Variants in EXOC6B observed in about 807,000 individuals in gnomAD.
The protein encoded by EXOC6B is SEC15 homolog B.
Under a neutral mutation model 113.5 loss-of-function variants are expected in EXOC6B, and 54 were observed. The ratio of observed to expected loss-of-function variants is 0.48; its 90% CI spans 0.38 to 0.60. The LOEUF is 0.60. EXOC6B is among the 20% of genes least tolerant of loss of function. The probability of loss-of-function intolerance (pLI) is 0.00; values close to 1 mark genes in which losing one functional copy is unlikely to be tolerated. For synonymous variants in EXOC6B, 357 were observed against 339.0 expected (o/e 1.05, Z -0.58); for missense variants, 797 against 977.5 (o/e 0.82, Z 2.46).
At chr2:72,287,645 TATA>T in intron 20 of EXOC6B, among the ~76,000 whole-genome samples, 1 of 151,996 alleles carries the variant, frequency 6.6e-6, no homozygotes, top group South Asian at 2.1e-4. Context: ...ATATTAAAAA[TATA>T]ATGAGAGAAT....
At chr2:72,320,612 A>C (rs1437264754) in intron 20 of EXOC6B, among the ~76,000 whole-genome samples, 2 of 152,202 alleles carry the variant, frequency 1.3e-5, no homozygotes, top group African/African-American at 4.8e-5. Flanking sequence ...AAAACCTAAC[A>C]GTATGAACTC....
rs762099297 is a variant in EXOC6B at position 72,718,126 on chromosome 2, T to C, written c.646A>G (p.Ile216Val). The change falls in exon 6 of 22, where the codon ATT becomes GTT. Residue 216 changes from isoleucine to valine, a missense_variant. Ile to Val is a conservative substitution (Grantham distance 29). Transcript: ENST00000272427. ...ACTTGCTTCATGGCAGTCTCTCCAA[T>C]TTTGTCTGAATGTTTGCGGATGCTC... ...LESIRKHSDKIGETAMKQAQQ... is the reference protein window; with the variant it reads ...LESIRKHSDKVGETAMKQAQQ... The C allele has an allele frequency of 1.4e-5, 23 of 1,612,274 alleles. No homozygotes were observed. Among genetic ancestry groups the C allele is most frequent in the Non-Finnish European group, 2.0e-5 (23 of 1,178,986 alleles).
intron 10 of EXOC6B, 29 bp downstream of exon 10, chr2:72,514,605 A>ATATATATATATATAT (rs1553432012): frequency 3.4e-5 from 5 of 147,182 alleles, no homozygotes; most frequent in African/African-American, 1.9e-4. Flanking sequence ...TAAATAAATA[A>ATATATATATATATAT]ATATATATAT....
At chr2:72,352,570 T>A (rs1689716947) in intron 19 of EXOC6B, among the ~76,000 whole-genome samples, 1 of 152,124 alleles carries the variant, frequency 6.6e-6, no homozygotes, top group Non-Finnish European at 1.5e-5. Context: ...ATTTTAATAC[T>A]GTAATACTAG....
chr2:72,749,777 C>T (rs1016022187), intron 1 of EXOC6B, among the ~76,000 whole-genome samples: 3 of 151,804 alleles, frequency 2.0e-5, no homozygotes, highest in Non-Finnish European at 4.4e-5. Flanking sequence ...AAGCTATTAA[C>T]AGAGAAAGAC....
chr2:72,522,106 G>C (rs1478800614), intron 8 of EXOC6B, among the ~76,000 whole-genome samples: 1 of 151,998 alleles, frequency 6.6e-6, no homozygotes, highest in East Asian at 1.9e-4. Flanking sequence ...TTATCATTTA[G>C]TTAAAAAGAA....
intron 20 of EXOC6B, among the ~76,000 whole-genome samples, chr2:72,258,361 CT>C (rs967346322): frequency 5.3e-3 from 661 of 124,820 alleles, no homozygotes; most frequent in African/African-American, 0.015. Flanking sequence ...TTATCTTTTT[CT>C]TTTTTTTTTT....
chr2:72,627,184 G>C (rs1345629094), intron 6 of EXOC6B, among the ~76,000 whole-genome samples: 4 of 152,120 alleles, frequency 2.6e-5, no homozygotes, highest in Admixed American at 2.6e-4. Flanking sequence ...TCAGTGTCTT[G>C]TTTTTCTTTA....
intron 1 of EXOC6B, among the ~76,000 whole-genome samples, chr2:72,763,540 A>G (rs2104910079): frequency 6.6e-6 from 1 of 150,882 alleles, no homozygotes; most frequent in South Asian, 2.1e-4. Context: ...CTCCTATCTC[A>G]GCCTCACAAG....
At chr2:72,449,001 G>T (rs1033620659) in intron 18 of EXOC6B, among the ~76,000 whole-genome samples, 1 of 152,112 alleles carries the variant, frequency 6.6e-6, no homozygotes, top group African/African-American at 2.4e-5. Context: ...TGTGAAAAAA[G>T]ACAAAAATAA....
At chr2:72,644,383 A>G (rs976226917) in intron 6 of EXOC6B, among the ~76,000 whole-genome samples, 8 of 152,234 alleles carry the variant, frequency 5.3e-5, no homozygotes, top group Admixed American at 4.6e-4. Context: ...GCAGGATATT[A>G]TCCAGGAGAA....
chr2:72,743,645 T>C (rs1404663745), intron 1 of EXOC6B, among the ~76,000 whole-genome samples: 2 of 152,228 alleles, frequency 1.3e-5, no homozygotes, highest in Admixed American at 1.3e-4. Context: ...TCTGTCATAC[T>C]GTACCTCTAT....
At chr2:72,400,847 T>C (rs949939219) in intron 18 of EXOC6B, among the ~76,000 whole-genome samples, 2 of 152,018 alleles carry the variant, frequency 1.3e-5, no homozygotes, top group African/African-American at 4.8e-5. Flanking sequence ...TAGGTTGGAA[T>C]GTAAATTAAT....
chr2:72,439,183 T>C (rs1201644119), intron 18 of EXOC6B, among the ~76,000 whole-genome samples: 1 of 152,204 alleles, frequency 6.6e-6, no homozygotes, highest in Non-Finnish European at 1.5e-5. Flanking sequence ...GTATATTCTA[T>C]TGATATGTAA....
chr2:72,624,463 G>A (rs773414295), intron 6 of EXOC6B, among the ~76,000 whole-genome samples: 14 of 152,188 alleles, frequency 9.2e-5, no homozygotes, highest in East Asian at 1.9e-4. Context: ...GATTTTGACC[G>A]GGTGCAGTGT....
chr2:72,578,606 C>A (rs553555445), intron 6 of EXOC6B, among the ~76,000 whole-genome samples: 1 of 152,000 alleles, frequency 6.6e-6, no homozygotes, highest in African/African-American at 2.4e-5. Context: ...CAGTCAAACA[C>A]GTGTTAAAAG....
intron 5 of EXOC6B, among the ~76,000 whole-genome samples, chr2:72,718,782 G>C (rs959827058): frequency 5.9e-5 from 9 of 152,316 alleles, no homozygotes; most frequent in African/African-American, 1.9e-4. Flanking sequence ...GGAGGCGGAG[G>C]TTTCAGTTAG....
chr2:72,254,639 A>C (rs942538125), intron 20 of EXOC6B, among the ~76,000 whole-genome samples: 1 of 152,252 alleles, frequency 6.6e-6, no homozygotes, highest in Non-Finnish European at 1.5e-5. Flanking sequence ...GAATGTGCAG[A>C]GGCTGGTAAA....
chr2:72,213,161 C>T (rs1294546061), intron 20 of EXOC6B, among the ~76,000 whole-genome samples: 1 of 152,208 alleles, frequency 6.6e-6, no homozygotes, highest in Non-Finnish European at 1.5e-5. Context: ...AGAGAGGTCT[C>T]AGCCTCCCAG....
Sources: gnomAD v4.1 joint callset for allele counts (sites outside exome capture counted in the v4.1 genomes callset) on GRCh38, gnomAD v4.1.1 for gene constraint, MANE v1.5 for transcripts, NCBI Gene and HGNC (gene_info 2026-07-23, HGNC 2026-07-21) for gene names.